Variants in HAPLN1 observed in about 807,000 individuals in gnomAD.
HAPLN1 encodes Cartilage link protein.
Under a neutral mutation model 36.5 loss-of-function variants are expected in HAPLN1, and 13 were observed. The observed-to-expected ratio is 0.36, with a 90% CI of 0.23 to 0.57. The LOEUF (loss-of-function observed/expected upper bound fraction) is 0.57. HAPLN1 is among the 20% of genes least tolerant of loss of function. The probability of loss-of-function intolerance (pLI) is 0.83; values close to 1 mark genes in which losing one functional copy is unlikely to be tolerated. For synonymous variants in HAPLN1, 202 were observed against 169.8 expected, an observed-to-expected ratio of 1.19 and a Z score of -1.48; for missense variants, 407 against 439.7, an observed-to-expected ratio of 0.93 and a Z score of 0.66.
chr5:83,689,110 G>A (rs1751210823), intron 1 of HAPLN1, among the ~76,000 whole-genome samples: 1 of 152,110 alleles, frequency 6.6e-6, no homozygotes, highest in African/African-American at 2.4e-5. Flanking sequence ...AATTTACTCA[G>A]TCCATTGACC....
intron 1 of HAPLN1, among the ~76,000 whole-genome samples, chr5:83,711,641 G>A (rs985252194): frequency 6.6e-6 from 1 of 152,096 alleles, no homozygotes; most frequent in African/African-American, 2.4e-5. Context: ...TTGGGTGATT[G>A]GTACTATAAT....
At chr5:83,713,230 A>C (rs755264978) in intron 1 of HAPLN1, among the ~76,000 whole-genome samples, 2 of 152,186 alleles carry the variant, frequency 1.3e-5, no homozygotes, top group Non-Finnish European at 2.9e-5. Context: ...CAGGGTTATC[A>C]TTATGAAAAT....
At chr5:83,707,085 A>T (rs1751670913) in intron 1 of HAPLN1, among the ~76,000 whole-genome samples, 1 of 152,156 alleles carries the variant, frequency 6.6e-6, no homozygotes, top group Non-Finnish European at 1.5e-5. Context: ...AGAATACACA[A>T]ACAAATGGAA....
At chr5:83,657,465 T>C (rs1750253401) in intron 2 of HAPLN1, among the ~76,000 whole-genome samples, 1 of 152,172 alleles carries the variant, frequency 6.6e-6, no homozygotes, top group African/African-American at 2.4e-5. Flanking sequence ...TGAATCATCA[T>C]GGGAAACAAT....
chr5:83,668,140 T>G (rs1750606268), intron 2 of HAPLN1, among the ~76,000 whole-genome samples: 1 of 152,178 alleles, frequency 6.6e-6, no homozygotes, highest in African/African-American at 2.4e-5. Context: ...TTTATGTGAC[T>G]GGGATGCATC....
intron 1 of HAPLN1, among the ~76,000 whole-genome samples, chr5:83,690,559 T>A (rs781694339): frequency 2.2e-4 from 33 of 152,188 alleles, no homozygotes; most frequent in Admixed American, 6.6e-4. Flanking sequence ...ATATGTTAAT[T>A]CTATTTTCAC....
At chr5:83,684,032 A>G (rs115252747) in intron 1 of HAPLN1, among the ~76,000 whole-genome samples, 1,945 of 152,202 alleles carry the variant, frequency 0.013, 41 homozygotes, top group African/African-American at 0.044. Flanking sequence ...TAGCAACTGA[A>G]AAGAGGCCAA....
intron 1 of HAPLN1, among the ~76,000 whole-genome samples, chr5:83,682,992 C>T (rs1242547485): frequency 6.6e-6 from 1 of 152,072 alleles, no homozygotes; most frequent in Non-Finnish European, 1.5e-5. Flanking sequence ...GAAACTACTG[C>T]TGTAGACTTC....
chr5:83,644,796 A>G (rs1749808693), intron 3 of HAPLN1, 131 bp from the exon 4 acceptor site: 3 of 517,562 alleles, frequency 5.8e-6, no homozygotes, highest in Admixed American at 8.6e-5. Flanking sequence ...TCAACTAGCA[A>G]CTGTTTCTCA....
intron 1 of HAPLN1, among the ~76,000 whole-genome samples, chr5:83,707,532 T>C (rs555441284): frequency 6.6e-6 from 1 of 152,342 alleles, no homozygotes; most frequent in African/African-American, 2.4e-5. Context: ...GCTAGCGATA[T>C]GCAGAAGATT....
At chr5:83,671,235 A>G (rs1750710137) in intron 2 of HAPLN1, among the ~76,000 whole-genome samples, 1 of 152,220 alleles carries the variant, frequency 6.6e-6, no homozygotes, top group African/African-American at 2.4e-5. Flanking sequence ...AACTTGGAGT[A>G]CAAAAATAGA....
At chr5:83,692,581 G>T (rs1407124486) in intron 1 of HAPLN1, among the ~76,000 whole-genome samples, 1 of 151,708 alleles carries the variant, frequency 6.6e-6, no homozygotes, top group Non-Finnish European at 1.5e-5. Flanking sequence ...GACATACAAA[G>T]CTAAAATAAT....
intron 1 of HAPLN1, among the ~76,000 whole-genome samples, chr5:83,719,634 A>G (rs1160864051): frequency 1.3e-5 from 2 of 152,232 alleles, no homozygotes; most frequent in African/African-American, 4.8e-5. Flanking sequence ...ATCATATCAC[A>G]TTAAAAATTC....
At chr5:83,690,922 G>A (rs749262467) in intron 1 of HAPLN1, among the ~76,000 whole-genome samples, 2 of 151,806 alleles carry the variant, frequency 1.3e-5, no homozygotes, top group Non-Finnish European at 2.9e-5. Flanking sequence ...ATGAAGAAAA[G>A]CAAAACTATG....
At chr5:83,683,048 G>T (rs1751044232) in intron 1 of HAPLN1, among the ~76,000 whole-genome samples, 1 of 152,066 alleles carries the variant, frequency 6.6e-6, no homozygotes, top group Non-Finnish European at 1.5e-5. Flanking sequence ...AAGAACAAAA[G>T]ATTTTAAAAC....
At chr5:83,679,877 A>G (rs1028105524) in intron 1 of HAPLN1, among the ~76,000 whole-genome samples, 2 of 152,222 alleles carry the variant, frequency 1.3e-5, no homozygotes, top group African/African-American at 4.8e-5. Flanking sequence ...TCCAAGCTCC[A>G]TGTTAGTTGT....
At chr5:83,688,794 G>A (rs1027063632) in intron 1 of HAPLN1, among the ~76,000 whole-genome samples, 11 of 151,578 alleles carry the variant, frequency 7.3e-5, no homozygotes, top group African/African-American at 2.4e-4. Flanking sequence ...GACAGAAAAC[G>A]AACTCTTCTA....
chr5:83,718,719 A>G (rs1454424472), intron 1 of HAPLN1, among the ~76,000 whole-genome samples: 1 of 152,240 alleles, frequency 6.6e-6, no homozygotes, highest in Admixed American at 6.5e-5. Flanking sequence ...AGCACTATCA[A>G]AATTATTTTC....
At chr5:83,701,566 T>C (rs1442031314) in intron 1 of HAPLN1, among the ~76,000 whole-genome samples, 1 of 152,218 alleles carries the variant, frequency 6.6e-6, no homozygotes, top group Non-Finnish European at 1.5e-5. Flanking sequence ...GATGTAAAGA[T>C]GGATAAAACA....
Sources: allele counts gnomAD v4.1 joint callset (sites outside exome capture counted in the v4.1 genomes callset), GRCh38; gene constraint gnomAD v4.1.1; transcripts MANE v1.5; gene names NCBI Gene and HGNC (gene_info 2026-07-23, HGNC 2026-07-21).